CNOT4: variants seen among roughly 807,000 people sequenced by gnomAD.
CNOT4 encodes the protein CCR4-NOT transcription complex subunit 4.
Under a neutral mutation model 73.8 loss-of-function variants are expected in CNOT4, and 8 were observed. The ratio of observed to expected loss-of-function variants is 0.11; its 90% CI spans 0.06 to 0.20. The LOEUF is 0.20. Ranked by LOEUF, CNOT4 falls within the 10% of genes least tolerant of loss-of-function variation. CNOT4 has a pLI of 1.00. For synonymous variants in CNOT4, 293 were observed against 321.1 expected (o/e 0.91, Z 0.94); for missense variants, 564 against 883.4 (o/e 0.64, Z 4.58).
At chr7:135,395,571 T>G (rs74840326) in intron 9 of CNOT4, 63 bp downstream of exon 9, 36,131 of 1,514,810 alleles carry the variant, frequency 0.024, 531 homozygotes, top group Non-Finnish European at 0.028. Flanking sequence ...ATGAGTTTCA[T>G]GTTAGTCTGT....
chr7:135,497,217 G>A (rs572059692), intron 1 of CNOT4, among the ~76,000 whole-genome samples: 30 of 151,948 alleles, frequency 2.0e-4, no homozygotes, highest in South Asian at 8.3e-4. Context: ...AGACCAGCCC[G>A]GCCAACACAG....
At chr7:135,476,024 T>C (rs184244715) in intron 1 of CNOT4, among the ~76,000 whole-genome samples, 1 of 152,220 alleles carries the variant, frequency 6.6e-6, no homozygotes, top group Non-Finnish European at 1.5e-5. Context: ...AATACTCTGA[T>C]GAAAATTCAT....
At chr7:135,477,634 CTACTT>C (rs776210020) in intron 1 of CNOT4, among the ~76,000 whole-genome samples, 5 of 152,180 alleles carry the variant, frequency 3.3e-5, no homozygotes, top group Non-Finnish European at 5.9e-5. Flanking sequence ...AGATGCATCT[CTACTT>C]CATTCTTCTT....
intron 7 of CNOT4, among the ~76,000 whole-genome samples, chr7:135,402,004 G>A (rs1174566755): frequency 2.6e-5 from 4 of 151,732 alleles, no homozygotes; most frequent in Non-Finnish European, 5.9e-5. Context: ...ATAAATCCCT[G>A]TACATAAAAA....
intron 10 of CNOT4, among the ~76,000 whole-genome samples, chr7:135,377,673 T>A (rs1235958483): frequency 2.0e-5 from 3 of 152,164 alleles, no homozygotes; most frequent in Non-Finnish European, 4.4e-5. Flanking sequence ...CAAAAGACCC[T>A]GAATTCAAAA....
intron 1 of CNOT4, among the ~76,000 whole-genome samples, chr7:135,458,490 C>T (rs1164110806): frequency 6.6e-6 from 1 of 152,032 alleles, no homozygotes; most frequent in Non-Finnish European, 1.5e-5. Context: ...CTCTCTTTCA[C>T]GAAAGATTTC....
chr7:135,414,338 G>A lies in CNOT4; in HGVS notation c.554C>T (p.Thr185Ile). The part of the protein sequence containing the change: ...CVNNVVVDGR[T>I]LKASLGTTKY... Reference sequence around the variant, plus strand: ...TCAAGAGGACTATATTACCTTAAGTGTTCTGCCATCTACTACCACATTGTT... The same window carrying A: ...TCAAGAGGACTATATTACCTTAAGTATTCTGCCATCTACTACCACATTGTT... Residue 185 changes from threonine (T) to isoleucine (I), a missense_variant, in exon 5 of 12, where the codon ACA becomes ATA. Physicochemically the swap from Thr to Ile is moderately conservative, Grantham distance 89. Around this residue, in one of 10 missense-constraint regions of CNOT4, gnomAD observed 25 missense variants for 25.1 expected, o/e 1.00. Transcript: ENST00000541284. 2 of 1,231,462 alleles carry A rather than the reference G, an allele frequency of 1.6e-6. No homozygotes were observed. The highest frequency in any genetic ancestry group is 1.5e-5 in the African/African-American group (1 of 66,476). The allele number at this position is 1,231,462 out of a possible 1,614,324, so 76.3% of individuals were successfully genotyped here.
At position 135,489,351 on chromosome 7, in the gene CNOT4, T is replaced by C. The variant is rs530089978; in HGVS notation, c.-93+20538A>G. Among the ~76,000 whole-genome samples, 86 of 151,796 alleles carry C rather than the reference T, an allele frequency of 5.7e-4. No homozygotes were observed. The South Asian group carries it at 7.7e-3, about 14-fold the overall frequency. ...TAAGGATTCTAACTCCAGTGTGTAT[T>C]TTGCACTTAGCACAATCTTGATTCA... On this transcript the variant is annotated intron_variant, in intron 1 of 11. Coordinates refer to ENST00000541284, the MANE Select transcript of CNOT4 (RefSeq NM_001190850.2).
In CNOT4 at chr7:135,363,491, G is replaced by C. The variant is rs1157446285; in HGVS notation, c.1841-305C>G. ...ATTGTGCTTTTCCTCCTCTGACAGG[G>C]ATGCGTAACAAGACAGCCTTATAAT... On this transcript the variant is annotated intron_variant, in intron 11 of 11. Coordinates refer to ENST00000541284, the MANE Select transcript of CNOT4 (RefSeq NM_001190850.2). The surrounding 1 kb of genome is among the most constrained non-coding windows in gnomAD (Gnocchi z 4.3). Among the ~76,000 whole-genome samples, 2 of 152,172 alleles carry C rather than the reference G, an allele frequency of 1.3e-5. No individual in the cohort carries two copies. Among genetic ancestry groups the C allele is most frequent in the Non-Finnish European group, 2.9e-5 (2 of 68,024 alleles).
intron 1 of CNOT4, among the ~76,000 whole-genome samples, chr7:135,471,924 G>A (rs1431432950): frequency 2.0e-5 from 3 of 152,146 alleles, no homozygotes. Flanking sequence ...TGTAATCCCA[G>A]CATTTTGGGA....
At position 135,414,452 on chromosome 7, in the gene CNOT4, T is replaced by C; in HGVS notation, c.460-20A>G. ...TGGACCCTAAAGTGAAAACATCCCATTCCACTGTTATTAGTTAAAAATTAA... is the reference window on the plus strand; with the variant it reads ...TGGACCCTAAAGTGAAAACATCCCACTCCACTGTTATTAGTTAAAAATTAA... On this transcript the variant is annotated intron_variant, in intron 4 of 11. Transcript: ENST00000541284. The C allele has an allele frequency of 9.7e-7, 1 of 1,030,654 alleles. No individual in the cohort carries two copies. The allele number at this position is 1,030,654 out of a possible 1,614,324, so 63.8% of individuals were successfully genotyped here.
rs187820570 is a variant in CNOT4 at position 135,442,426 on chromosome 7, G to A, written c.-92-4003C>T. ...AGCCTGGCCAACATGGTGAAACCCC[G>A]TCTCTACTAAAAATACAAAAAAATT... On this transcript the variant is annotated intron_variant, in intron 1 of 11. Transcript: ENST00000541284. Among the ~76,000 whole-genome samples the A allele has an allele frequency of 7.0e-4, 107 of 152,024 alleles. 1 individual carries two copies. The highest frequency in any genetic ancestry group is 6.8e-3 in the Middle Eastern group (2 of 294).
intron 2 of CNOT4, among the ~76,000 whole-genome samples, chr7:135,429,830 T>C (rs1484254663): frequency 2.6e-5 from 4 of 152,194 alleles, no homozygotes; most frequent in African/African-American, 7.2e-5. Context: ...ATACCATAAC[T>C]ACCCCAGCTT....
chr7:135,444,549 G>C, intron 1 of CNOT4: 1 of 1,319,772 alleles, frequency 7.6e-7, no homozygotes, highest in Non-Finnish European at 1.1e-6. Context: ...TTATATCTCA[G>C]CATTTCTTCA....
chr7:135,450,413 G>A (rs1477704318), intron 1 of CNOT4, among the ~76,000 whole-genome samples: 5 of 152,024 alleles, frequency 3.3e-5, no homozygotes, highest in African/African-American at 1.2e-4. Flanking sequence ...TCGCCTCCTG[G>A]GTTCAAGCGA....
chr7:135,466,592 T>C (rs1371616751), intron 1 of CNOT4, among the ~76,000 whole-genome samples: 3 of 152,182 alleles, frequency 2.0e-5, no homozygotes, highest in Non-Finnish European at 4.4e-5. Flanking sequence ...GTGTTTACAA[T>C]GTCTACAGTA....
intron 1 of CNOT4, among the ~76,000 whole-genome samples, chr7:135,444,144 A>AAATAAT (rs140965410): frequency 1.2e-3 from 180 of 149,532 alleles, no homozygotes; most frequent in East Asian, 2.3e-3. Context: ...CTGTTTCAAA[A>AAATAAT]AATAATAATA....
At chr7:135,452,338 G>C (rs1800226178) in intron 1 of CNOT4, among the ~76,000 whole-genome samples, 1 of 152,114 alleles carries the variant, frequency 6.6e-6, no homozygotes, top group African/African-American at 2.4e-5. Flanking sequence ...GGGAGGCCAA[G>C]GCAGGTGGAT....
intron 10 of CNOT4, among the ~76,000 whole-genome samples, chr7:135,393,489 TAG>T (rs772858980): frequency 2.6e-5 from 4 of 152,166 alleles, no homozygotes; most frequent in Non-Finnish European, 4.4e-5. Context: ...CAAAAGTAGG[TAG>T]AGAGTGGCTT....
Sources: gnomAD v4.1 joint callset for allele counts (sites outside exome capture counted in the v4.1 genomes callset) on GRCh38, gnomAD v4.1.1 for gene constraint, gnomAD v4.1.1 regional missense constraint, Gnocchi (gnomAD v3.1) non-coding constraint, MANE v1.5 for transcripts, NCBI Gene and HGNC (gene_info 2026-07-23, HGNC 2026-07-21) for gene names.